FAM53B: variants seen among roughly 807,000 people sequenced by gnomAD.
The protein encoded by FAM53B is protein FAM53B.
FAM53B carries 12 observed loss-of-function variants against 32.7 expected under a neutral mutation model. The observed-to-expected ratio is 0.37, with a 90% CI of 0.24 to 0.59. The LOEUF is 0.59. Among genes scored for constraint, FAM53B ranks in the 20% least tolerant of loss-of-function variants. The pLI is 0.72. For missense variants in FAM53B, 477 were observed against 577.7 expected, an observed-to-expected ratio of 0.83 and a Z score of 1.79; for synonymous variants, 234 against 228.7, an observed-to-expected ratio of 1.02 and a Z score of -0.21.
chr10:124,711,125 T>G (rs1292580457), intron 1 of FAM53B, among the ~76,000 whole-genome samples: 4 of 152,200 alleles, frequency 2.6e-5, no homozygotes, highest in African/African-American at 9.7e-5. Flanking sequence ...TGTGGAATAC[T>G]ACTCGGCAAT....
chr10:124,636,303 C>T (rs1371718814), intron 4 of FAM53B, among the ~76,000 whole-genome samples: 2 of 151,536 alleles, frequency 1.3e-5, no homozygotes, highest in East Asian at 1.9e-4. Flanking sequence ...TTTTTTTTAA[C>T]GGCACTTTGC....
At chr10:124,667,874 G>C (rs542485733) in intron 4 of FAM53B, among the ~76,000 whole-genome samples, 29 of 152,288 alleles carry the variant, frequency 1.9e-4, no homozygotes, top group African/African-American at 4.6e-4. Context: ...CCTGCTGTAG[G>C]AGCTCTCCCT....
chr10:124,669,482 C>G (rs955225025), intron 4 of FAM53B, among the ~76,000 whole-genome samples: 2 of 152,288 alleles, frequency 1.3e-5, no homozygotes, highest in Non-Finnish European at 1.5e-5. Context: ...TCAGGGCCAC[C>G]GGGGATTCAC....
At chr10:124,643,773 G>C (rs1278281094) in intron 4 of FAM53B, among the ~76,000 whole-genome samples, 1 of 152,250 alleles carries the variant, frequency 6.6e-6, no homozygotes, top group Non-Finnish European at 1.5e-5. Flanking sequence ...AGTGAGGATG[G>C]AAGGCTCAGA....
intron 4 of FAM53B, among the ~76,000 whole-genome samples, chr10:124,626,393 C>G (rs1440616912): frequency 6.9e-6 from 1 of 145,634 alleles, no homozygotes; most frequent in Non-Finnish European, 1.6e-5. Context: ...TTTGTGCCCC[C>G]CCCCCCCCCA....
At chr10:124,741,442 G>A (rs971616222) in intron 1 of FAM53B, among the ~76,000 whole-genome samples, 1 of 152,184 alleles carries the variant, frequency 6.6e-6, no homozygotes, top group Non-Finnish European at 1.5e-5. Flanking sequence ...AGAAGAGTGT[G>A]CTTTTTAAAA....
At chr10:124,662,420 G>GTCCA (rs1192203906) in intron 4 of FAM53B, among the ~76,000 whole-genome samples, 99 of 151,888 alleles carry the variant, frequency 6.5e-4, no homozygotes, top group Non-Finnish European at 9.6e-4. Context: ...TCGTTCGTCC[G>GTCCA]TCCATCCATC....
At chr10:124,626,393 C>CT (rs1437637831) in intron 4 of FAM53B, among the ~76,000 whole-genome samples, 1 of 145,634 alleles carries the variant, frequency 6.9e-6, no homozygotes, top group Non-Finnish European at 1.6e-5. Flanking sequence ...TTTGTGCCCC[C>CT]CCCCCCCCCA....
intron 4 of FAM53B, among the ~76,000 whole-genome samples, chr10:124,679,941 G>C (rs763611419): frequency 1.3e-5 from 2 of 152,214 alleles, no homozygotes; most frequent in Non-Finnish European, 2.9e-5. Flanking sequence ...CTATCTAGCT[G>C]ATTAGGTAAT....
intron 4 of FAM53B, among the ~76,000 whole-genome samples, chr10:124,646,169 T>A (rs1157042766): frequency 6.6e-6 from 1 of 152,104 alleles, no homozygotes; most frequent in African/African-American, 2.4e-5. Context: ...GAGTCAGGGA[T>A]CCTCCCATGA....
chr10:124,732,256 A>G (rs576933386), intron 1 of FAM53B, among the ~76,000 whole-genome samples: 1 of 152,288 alleles, frequency 6.6e-6, no homozygotes, highest in Admixed American at 6.5e-5. Context: ...ACAGCGCCCA[A>G]AGCCTGGCCA....
intron 4 of FAM53B, among the ~76,000 whole-genome samples, chr10:124,626,989 CA>C (rs1360902564): frequency 6.6e-6 from 1 of 152,264 alleles, no homozygotes; most frequent in African/African-American, 2.4e-5. Flanking sequence ...TCGTCACAAG[CA>C]AACCCCAGAA....
In FAM53B at chr10:124,662,717, G is replaced by A. The variant is rs558599208; in HGVS notation, c.906+18890C>T. ...CATGCATCTGTAGTCCCAGCTACTTGGGAGGCTGAGGTGGGAGGATCACTT... is the reference window on the plus strand; with the variant it reads ...CATGCATCTGTAGTCCCAGCTACTTAGGAGGCTGAGGTGGGAGGATCACTT... On this transcript the variant is annotated intron_variant, in intron 4 of 4. Transcript: ENST00000337318. Among the ~76,000 whole-genome samples, 8 of 152,270 alleles carry A rather than the reference G, an allele frequency of 5.3e-5. No homozygotes were observed. In the East Asian group the frequency reaches 1.3e-3, roughly 26 times the overall value.
chr10:124,662,828 T>C (rs1334377163), intron 4 of FAM53B, among the ~76,000 whole-genome samples: 2 of 152,018 alleles, frequency 1.3e-5, no homozygotes, highest in African/African-American at 4.8e-5. Context: ...TGTCAATCAA[T>C]CGATTTTTGG....
At chr10:124,742,357 A>C (rs1289356741) in intron 1 of FAM53B, 1 of 152,244 alleles carries the variant, frequency 6.6e-6, no homozygotes. Context: ...TGTAACTGAC[A>C]CAAGTTACTC....
At chr10:124,697,485 C>T (rs982997286) in intron 2 of FAM53B, among the ~76,000 whole-genome samples, 4 of 152,136 alleles carry the variant, frequency 2.6e-5, no homozygotes, top group Non-Finnish European at 5.9e-5. Flanking sequence ...ACTTCATCCC[C>T]ATCCACCCAA....
intron 4 of FAM53B, among the ~76,000 whole-genome samples, chr10:124,670,320 C>T (rs1399265423): frequency 3.3e-5 from 5 of 152,258 alleles, no homozygotes; most frequent in East Asian, 1.9e-4. Context: ...GGGCCGTCTG[C>T]GGTCGAACCC....
At chr10:124,711,543 T>A (rs1320681286) in intron 1 of FAM53B, among the ~76,000 whole-genome samples, 1 of 152,050 alleles carries the variant, frequency 6.6e-6, no homozygotes, top group South Asian at 2.1e-4. Context: ...AAAAAAAAAA[T>A]TTTAAATAAA....
Position 124,682,422 on chromosome 10 carries a change from C to G in FAM53B, c.134-43G>C. 6.5e-7 allele frequency: 1 copy of G among 1,528,526 alleles called. No homozygotes were observed. Among genetic ancestry groups the G allele is most frequent in the Non-Finnish European group, 8.9e-7 (1 of 1,129,632 alleles). The allele number at this position is 1,528,526 out of a possible 1,614,324, so 94.7% of individuals were successfully genotyped here. On this transcript the variant is annotated intron_variant, in intron 3 of 4. Transcript: ENST00000337318. The surrounding 1 kb of genome is among the most constrained non-coding windows in gnomAD (Gnocchi z 5.2). ...AGGAGAAAACAGGATTTGAGAAGACCTTCACTCCAGCCCTTTATTATCTCC... is the reference window on the plus strand; with the variant it reads ...AGGAGAAAACAGGATTTGAGAAGACGTTCACTCCAGCCCTTTATTATCTCC...
Sources: gnomAD v4.1 joint callset for allele counts (sites outside exome capture counted in the v4.1 genomes callset) on GRCh38, gnomAD v4.1.1 for gene constraint, Gnocchi (gnomAD v3.1) non-coding constraint, MANE v1.5 for transcripts, NCBI Gene and HGNC (gene_info 2026-07-23, HGNC 2026-07-21) for gene names.